The following SLC27A6 variants were observed in gnomAD, a reference collection of about 807,000 sequenced individuals.
SLC27A6 encodes the protein long-chain fatty acid transport protein 6.
In SLC27A6, 74 loss-of-function variants were observed where a neutral mutation model predicts 63.9. The observed-to-expected ratio is 1.16, with a 90% confidence interval of 0.96 to 1.40. SLC27A6 has a LOEUF of 1.40. Among genes scored for constraint, SLC27A6 ranks in the 40% most tolerant of loss-of-function variants. The pLI is 0.00. For synonymous variants in SLC27A6, 287 were observed against 260.8 expected, an observed-to-expected ratio of 1.10 and a Z score of -0.97; for missense variants, 794 against 732.9, an observed-to-expected ratio of 1.08 and a Z score of -0.96.
At chr5:129,002,910 T>C (rs1751390104) in intron 4 of SLC27A6, among the ~76,000 whole-genome samples, 1 of 152,234 alleles carries the variant, frequency 6.6e-6, no homozygotes, top group Non-Finnish European at 1.5e-5. Context: ...TTTGCTGCTG[T>C]CCTGCATTCT....
At chr5:129,009,723 G>A (rs1188296389) in intron 4 of SLC27A6, among the ~76,000 whole-genome samples, 1 of 151,970 alleles carries the variant, frequency 6.6e-6, no homozygotes, top group Non-Finnish European at 1.5e-5. Context: ...TGCCCCGGCT[G>A]GAGTGCAGTG....
intron 1 of SLC27A6, among the ~76,000 whole-genome samples, chr5:128,980,779 A>G (rs1369046290): frequency 6.6e-6 from 1 of 152,226 alleles, no homozygotes; most frequent in Non-Finnish European, 1.5e-5. Flanking sequence ...TTAAAAGTTG[A>G]AATGCTTACC....
intron 4 of SLC27A6, among the ~76,000 whole-genome samples, chr5:128,993,523 A>G (rs1751046682): frequency 6.6e-6 from 1 of 152,098 alleles, no homozygotes; most frequent in African/African-American, 2.4e-5. Flanking sequence ...TTCCAGCTGT[A>G]TTTCCCTTTA....
At chr5:129,005,524 T>C (rs887301004) in intron 4 of SLC27A6, among the ~76,000 whole-genome samples, 3 of 152,124 alleles carry the variant, frequency 2.0e-5, no homozygotes, top group Admixed American at 6.5e-5. Flanking sequence ...GCTTTGTGGG[T>C]TATACTGTCT....
At position 128,993,521 on chromosome 5, in the gene SLC27A6, G is replaced by C. The variant is rs570504198; in HGVS notation, c.969+3057G>C. On this transcript the variant is annotated intron_variant, in intron 4 of 9. Transcript: ENST00000262462. ...GGCAAGGTGGGACAGTTTTCCAGCT[G>C]TATTTCCCTTTAAAAATGTCTCTTT... 4.6e-5 allele frequency among the ~76,000 whole-genome samples: 7 copies of C among 152,196 alleles called. 1 individual carries two copies. The highest frequency in any genetic ancestry group is 1.7e-4 in the African/African-American group (7 of 41,528).
chr5:129,006,235 C>T (rs915677856), intron 4 of SLC27A6, among the ~76,000 whole-genome samples: 5 of 151,670 alleles, frequency 3.3e-5, no homozygotes, highest in Admixed American at 6.6e-5. Flanking sequence ...CCAGCCGCCG[C>T]GCCAGCTGCC....
intron 1 of SLC27A6, among the ~76,000 whole-genome samples, chr5:128,976,553 G>A (rs1374169419): frequency 6.6e-6 from 1 of 151,842 alleles, no homozygotes; most frequent in Non-Finnish European, 1.5e-5. Context: ...AATCCAAAAG[G>A]GCATTTATTT....
At chr5:129,004,158 C>T (rs17163732) in intron 4 of SLC27A6, among the ~76,000 whole-genome samples, 5,453 of 152,084 alleles carry the variant, frequency 0.036, 332 homozygotes, top group African/African-American at 0.12. Flanking sequence ...ATATTTGGAT[C>T]GGTACATGAA....
chr5:129,030,758 C>A (rs1003359332), intron 9 of SLC27A6, among the ~76,000 whole-genome samples: 18 of 152,006 alleles, frequency 1.2e-4, no homozygotes, highest in Non-Finnish European at 2.5e-4. Flanking sequence ...TAACATTTTG[C>A]AGATCTGTTA....
At chr5:129,032,831 C>T (rs905727621) in intron 9 of SLC27A6, among the ~76,000 whole-genome samples, 2 of 151,876 alleles carry the variant, frequency 1.3e-5, no homozygotes, top group Non-Finnish European at 1.5e-5. Flanking sequence ...AAGAGATAAC[C>T]TATGTATTTT....
chr5:128,987,980 A>G (rs1353832775), intron 2 of SLC27A6, among the ~76,000 whole-genome samples: 1 of 152,174 alleles, frequency 6.6e-6, no homozygotes, highest in African/African-American at 2.4e-5. Flanking sequence ...TGGTCCCAGT[A>G]AAAGTCATCA....
intron 1 of SLC27A6, among the ~76,000 whole-genome samples, chr5:128,972,368 G>A (rs1357767449): frequency 6.6e-6 from 1 of 152,164 alleles, no homozygotes; most frequent in African/African-American, 2.4e-5. Flanking sequence ...TTCCAACTTG[G>A]TTCCATTCTC....
In SLC27A6 at chr5:128,985,119, C is replaced by T; in HGVS notation, c.482-14C>T. ...TAAGGTTTGCTTAACTCTTCCCAAC[C>T]CTTTGGCTTTTAGATTTGCTTGGAA... On this transcript the variant is annotated splice_polypyrimidine_tract_variant and intron_variant, in intron 1 of 9. Transcript: ENST00000262462. The T allele has an allele frequency of 6.2e-7, 1 of 1,606,114 alleles. No homozygotes were observed. The highest frequency in any genetic ancestry group is 2.2e-5 in the East Asian group (1 of 44,822).
intron 2 of SLC27A6, among the ~76,000 whole-genome samples, chr5:128,987,938 A>G (rs1203261562): frequency 1.3e-5 from 2 of 152,190 alleles, no homozygotes; most frequent in African/African-American, 4.8e-5. Context: ...GAAAAAGCCT[A>G]AAAATTTCCC....
At chr5:129,008,139 C>T (rs1031178242) in intron 4 of SLC27A6, among the ~76,000 whole-genome samples, 10 of 151,936 alleles carry the variant, frequency 6.6e-5, no homozygotes, top group Admixed American at 2.6e-4. Context: ...AAAAGAAATA[C>T]ACATTTTCTT....
Position 129,028,332 on chromosome 5 carries a change from T to C in SLC27A6, c.1455-13T>C, listed in dbSNP as rs1408414964. The stretch of plus-strand genomic sequence containing the variant: ...ACAGGTGCACTAACTGGAATTTGAT[T>C]TTTTTCATTTAGATGGAAAGGAGAA... On this transcript the variant is annotated splice_polypyrimidine_tract_variant and intron_variant, in intron 7 of 9. Coordinates refer to ENST00000262462, the MANE Select transcript of SLC27A6 (RefSeq NM_001017372.3). 16 of 1,583,510 alleles carry C rather than the reference T, an allele frequency of 1.0e-5. No homozygotes were observed. Among genetic ancestry groups the C allele is most frequent in the East Asian group, 2.2e-5 (1 of 44,654 alleles).
At chr5:128,972,077 G>C (rs933459825) in intron 1 of SLC27A6, among the ~76,000 whole-genome samples, 64 of 152,270 alleles carry the variant, frequency 4.2e-4, no homozygotes, top group Admixed American at 2.2e-3. Flanking sequence ...CTTTAAGAAT[G>C]TTGAATATTG....
At chr5:128,971,770 C>A (rs1262158773) in intron 1 of SLC27A6, among the ~76,000 whole-genome samples, 1 of 152,030 alleles carries the variant, frequency 6.6e-6, no homozygotes, top group Non-Finnish European at 1.5e-5. Flanking sequence ...ACATTTAATG[C>A]TAATATTGTT....
intron 4 of SLC27A6, among the ~76,000 whole-genome samples, chr5:128,995,263 CAGTT>C (rs1309666361): frequency 2.0e-5 from 3 of 152,150 alleles, no homozygotes; most frequent in Admixed American, 2.0e-4. Context: ...ACACAGTCAA[CAGTT>C]AGCCATATCT....
Sources: gnomAD v4.1 joint callset for allele counts (sites outside exome capture counted in the v4.1 genomes callset) on GRCh38, gnomAD v4.1.1 for gene constraint, MANE v1.5 for transcripts, NCBI Gene and HGNC (gene_info 2026-07-23, HGNC 2026-07-21) for gene names.